The following AHCYL2 variants were observed in gnomAD, a reference collection of about 807,000 sequenced individuals.
AHCYL2 encodes the protein adenosylhomocysteinase like 2, also known as S-adenosylhomocysteine hydrolase-like protein 2.
A neutral mutation model predicts 81.4 loss-of-function variants in AHCYL2; 28 were observed. The observed-to-expected ratio is 0.34, with a 90% CI of 0.25 to 0.47. The LOEUF (loss-of-function observed/expected upper bound fraction) is 0.47. Among genes scored for constraint, AHCYL2 ranks in the 20% least tolerant of loss-of-function variants. The pLI is 1.00. For missense variants in AHCYL2, 551 were observed against 785.1 expected, an observed-to-expected ratio of 0.70 and a Z score of 3.56; for synonymous variants, 272 against 290.2, an observed-to-expected ratio of 0.94 and a Z score of 0.64.
At chr7:129,369,204 C>T (rs889584098) in intron 1 of AHCYL2, among the ~76,000 whole-genome samples, 5 of 134,796 alleles carry the variant, frequency 3.7e-5, no homozygotes, top group Admixed American at 1.5e-4. Context: ...TATATTGGAT[C>T]GAATTTCAAC....
intron 1 of AHCYL2, among the ~76,000 whole-genome samples, chr7:129,301,738 G>C (rs1584760868): frequency 6.6e-6 from 1 of 152,208 alleles, no homozygotes; most frequent in East Asian, 1.9e-4. Context: ...TTTTATGCCA[G>C]TACCATGCTG....
intron 1 of AHCYL2, among the ~76,000 whole-genome samples, chr7:129,270,305 T>G (rs543166538): frequency 6.6e-6 from 1 of 152,318 alleles, no homozygotes; most frequent in African/African-American, 2.4e-5. Context: ...ACAGAGATAC[T>G]CAGTTCCAAT....
intron 1 of AHCYL2, among the ~76,000 whole-genome samples, chr7:129,321,754 T>G (rs562380084): frequency 0.015 from 2,176 of 146,622 alleles, 73 homozygotes; most frequent in Non-Finnish European, 0.023. Context: ...TTTTTTTTTT[T>G]TTTTTTTTTT....
intron 5 of AHCYL2, among the ~76,000 whole-genome samples, chr7:129,399,723 A>G (rs1026767543): frequency 1.5e-5 from 2 of 133,294 alleles, no homozygotes; most frequent in African/African-American, 2.9e-5. Context: ...CCCTTTAGTC[A>G]CTTTTTTTTT....
chr7:129,356,429 C>G (rs1317462361), intron 1 of AHCYL2, among the ~76,000 whole-genome samples: 1 of 152,138 alleles, frequency 6.6e-6, no homozygotes, highest in Non-Finnish European at 1.5e-5. Flanking sequence ...CCACCCTATC[C>G]CCTGTAATTG....
At chr7:129,362,382 T>C (rs1005464100) in intron 1 of AHCYL2, among the ~76,000 whole-genome samples, 4 of 152,042 alleles carry the variant, frequency 2.6e-5, no homozygotes, top group Non-Finnish European at 5.9e-5. Flanking sequence ...CCTAACATCA[T>C]TTAGGTTGTG....
intron 1 of AHCYL2, among the ~76,000 whole-genome samples, chr7:129,362,624 T>TA (rs1793974099): frequency 8.9e-6 from 1 of 112,948 alleles, no homozygotes; most frequent in Admixed American, 9.0e-5. Context: ...TTTTTTTTTT[T>TA]ATGGTCTCAG....
At position 129,353,923 on chromosome 7, in the gene AHCYL2, G is replaced by A. The variant is rs561028121; in HGVS notation, c.364-25715G>A. On this transcript the variant is annotated intron_variant, in intron 1 of 16. Transcript: ENST00000325006. The stretch of plus-strand genomic sequence containing the variant: ...GAAATATGAGTATAATATCAGAAAA[G>A]CCAAAGGAAGAGAGTCTTTCAAGGA... 7.9e-5 allele frequency among the ~76,000 whole-genome samples: 12 copies of A among 151,992 alleles called. 1 individual carries two copies. Among genetic ancestry groups the A allele is most frequent in the African/African-American group, 2.9e-4 (12 of 41,440 alleles).
intron 1 of AHCYL2, among the ~76,000 whole-genome samples, chr7:129,272,876 C>T (rs1465269954): frequency 6.6e-6 from 1 of 152,002 alleles, no homozygotes; most frequent in Non-Finnish European, 1.5e-5. Context: ...TTTTTCTCAT[C>T]TCTAGTTGCT....
chr7:129,296,599 A>T (rs1183312549), intron 1 of AHCYL2, among the ~76,000 whole-genome samples: 2 of 152,168 alleles, frequency 1.3e-5, no homozygotes, highest in Admixed American at 1.3e-4. Context: ...TAGTCCAGCT[A>T]CTTGGGAGGC....
At chr7:129,302,989 T>C (rs1033554498) in intron 1 of AHCYL2, among the ~76,000 whole-genome samples, 1 of 152,112 alleles carries the variant, frequency 6.6e-6, no homozygotes, top group Admixed American at 6.6e-5. Flanking sequence ...TCCCAAGCTT[T>C]TCTTTGCTGG....
intron 5 of AHCYL2, among the ~76,000 whole-genome samples, chr7:129,397,921 G>A (rs1372445354): frequency 1.3e-5 from 2 of 152,152 alleles, no homozygotes; most frequent in African/African-American, 4.8e-5. Context: ...TTTTATGGCT[G>A]TATATATGAT....
chr7:129,372,024 G>A (rs1387612409), intron 1 of AHCYL2, among the ~76,000 whole-genome samples: 5 of 152,124 alleles, frequency 3.3e-5, no homozygotes, highest in Admixed American at 6.5e-5. Context: ...AAAACAGAAA[G>A]CCATTTGAAA....
At chr7:129,393,414 C>A (rs1795565477) in intron 4 of AHCYL2, among the ~76,000 whole-genome samples, 1 of 151,994 alleles carries the variant, frequency 6.6e-6, no homozygotes, top group Admixed American at 6.6e-5. Context: ...AGAGTGAGAC[C>A]CTGTCTCAAA....
intron 1 of AHCYL2, among the ~76,000 whole-genome samples, chr7:129,331,815 C>T (rs2150804147): frequency 6.6e-6 from 1 of 151,708 alleles, no homozygotes; most frequent in African/African-American, 2.4e-5. Context: ...GCACTCCAGC[C>T]TGGGCAACAG....
At chr7:129,259,284 T>C (rs1241152988) in intron 1 of AHCYL2, among the ~76,000 whole-genome samples, 2 of 152,184 alleles carry the variant, frequency 1.3e-5, no homozygotes, top group Non-Finnish European at 2.9e-5. Flanking sequence ...GGGCCCCTTC[T>C]TAAGCAGCAC....
chr7:129,231,229 ACT>A (rs1373558730), intron 1 of AHCYL2, among the ~76,000 whole-genome samples: 2 of 151,122 alleles, frequency 1.3e-5, no homozygotes, highest in East Asian at 3.9e-4. Context: ...ACAGAATGAG[ACT>A]CTGTCTCAAA....
chr7:129,389,000 G>A (rs1795329695), intron 2 of AHCYL2, 56 bp from the exon 3 acceptor site: 3 of 1,588,996 alleles, frequency 1.9e-6, no homozygotes, highest in Non-Finnish European at 8.5e-7. Context: ...CCATGGTTTG[G>A]AATTTTAGAG....
chr7:129,353,443 C>CT (rs1793636829), intron 1 of AHCYL2, among the ~76,000 whole-genome samples: 1 of 152,018 alleles, frequency 6.6e-6, no homozygotes, highest in South Asian at 2.1e-4. Context: ...ATGTTATCAC[C>CT]TTAAAACTGC....
Sources: allele counts gnomAD v4.1 joint callset (sites outside exome capture counted in the v4.1 genomes callset), GRCh38; gene constraint gnomAD v4.1.1; transcripts MANE v1.5; gene names NCBI Gene and HGNC (gene_info 2026-07-23, HGNC 2026-07-21).